IRAG1: variants seen among roughly 807,000 people sequenced by gnomAD.
IRAG1 encodes IP3R-associated cGMP kinase substrate.
In IRAG1, 62 loss-of-function variants were observed where a neutral mutation model predicts 106.2. The observed-to-expected ratio is 0.58, with a 90% CI of 0.48 to 0.72. IRAG1 has a LOEUF of 0.72. Ranked by LOEUF, IRAG1 falls within the 30% of genes least tolerant of loss-of-function variation. The pLI, the probability that IRAG1 is intolerant of heterozygous loss-of-function variation, is 0.00. For missense variants in IRAG1, 1,064 were observed against 1,140.7 expected (o/e 0.93, Z 0.97); for synonymous variants, 462 against 443.9 (o/e 1.04, Z -0.51).
At chr11:10,596,254 T>C (rs1180660944) in intron 15 of IRAG1, among the ~76,000 whole-genome samples, 3 of 152,234 alleles carry the variant, frequency 2.0e-5, no homozygotes, top group Non-Finnish European at 4.4e-5. Context: ...ACTTTCTCAA[T>C]TGTCTCCAAA....
At chr11:10,634,946 T>C (rs1857032565) in intron 2 of IRAG1, among the ~76,000 whole-genome samples, 1 of 152,226 alleles carries the variant, frequency 6.6e-6, no homozygotes, top group African/African-American at 2.4e-5. Context: ...TTCTCCTTTA[T>C]TCCCCAGCAG....
At position 10,659,052 on chromosome 11, in the gene IRAG1, C is replaced by A. The variant is rs1859188999; in HGVS notation, c.68-6870G>T. On this transcript the variant is annotated intron_variant, in intron 1 of 20. Coordinates refer to ENST00000423302, the MANE Select transcript of IRAG1 (RefSeq NM_130385.4). The surrounding 1 kb of genome is among the most constrained non-coding windows in gnomAD (Gnocchi z 4.1). ...GCCCCAGATCTGTGCTGTGCTTAGT[C>A]CCAGGTCTGGGCTGTGCTCAGTCCC... Among the ~76,000 whole-genome samples the A allele has an allele frequency of 6.6e-6, 1 of 152,168 alleles. No homozygotes were observed. The highest frequency in any genetic ancestry group is 6.5e-5 in the Admixed American group (1 of 15,278).
chr11:10,583,222 T>G (rs1277049538), intron 18 of IRAG1, among the ~76,000 whole-genome samples: 1 of 152,152 alleles, frequency 6.6e-6, no homozygotes, highest in African/African-American at 2.4e-5. Flanking sequence ...GCCACGGGGA[T>G]AGACAAGATT....
intron 1 of IRAG1, among the ~76,000 whole-genome samples, chr11:10,692,635 A>G (rs1399430397): frequency 1.3e-5 from 2 of 152,104 alleles, no homozygotes; most frequent in East Asian, 3.9e-4. Flanking sequence ...GACCAGATTT[A>G]CTTCCCTGTG....
intron 2 of IRAG1, among the ~76,000 whole-genome samples, chr11:10,642,339 G>T (rs118043978): frequency 1.3e-5 from 2 of 152,184 alleles, no homozygotes; most frequent in Non-Finnish European, 2.9e-5. Flanking sequence ...TTTCCTAACC[G>T]CCTGGGCACA....
intron 15 of IRAG1, among the ~76,000 whole-genome samples, chr11:10,598,216 C>T (rs1280237982): frequency 6.6e-6 from 1 of 152,352 alleles, no homozygotes; most frequent in African/African-American, 2.4e-5. Context: ...CCCAGATAAC[C>T]AAGGCTGACA....
intron 2 of IRAG1, among the ~76,000 whole-genome samples, chr11:10,640,856 T>C (rs928871192): frequency 1.3e-5 from 2 of 152,230 alleles, no homozygotes; most frequent in African/African-American, 4.8e-5. Context: ...TTACCTTGCC[T>C]CTCTGTGCCT....
chr11:10,646,293 G>T (rs1857937071), intron 2 of IRAG1, among the ~76,000 whole-genome samples: 1 of 152,208 alleles, frequency 6.6e-6, no homozygotes, highest in Admixed American at 6.5e-5. Context: ...CACAGTATGT[G>T]TTAGCTTTAT....
intron 4 of IRAG1, 181 bp from the exon 5 acceptor site, chr11:10,629,892 G>T: frequency 3.3e-6 from 2 of 614,468 alleles, no homozygotes; most frequent in Non-Finnish European, 5.6e-6. Context: ...TGCAGGCCTG[G>T]CCCCTATGGC....
chr11:10,599,415 C>T (rs965744493), intron 15 of IRAG1, among the ~76,000 whole-genome samples: 5 of 152,180 alleles, frequency 3.3e-5, no homozygotes, highest in Non-Finnish European at 5.9e-5. Flanking sequence ...CAGGAGTCCA[C>T]GCATTAGGAT....
intron 1 of IRAG1, 28 bp from the exon 2 acceptor site, chr11:10,652,210 A>G: frequency 1.2e-6 from 2 of 1,612,362 alleles, no homozygotes; most frequent in Non-Finnish European, 1.7e-6. Context: ...GGACAAGTCA[A>G]ATCCATTCCC....
intron 1 of IRAG1, among the ~76,000 whole-genome samples, chr11:10,685,310 T>G (rs1366455387): frequency 1.3e-5 from 2 of 150,794 alleles, no homozygotes; most frequent in Non-Finnish European, 2.9e-5. Context: ...TATCTGGGCA[T>G]GGTGGCGCAT....
intron 10 of IRAG1, among the ~76,000 whole-genome samples, chr11:10,619,686 C>T (rs1855688568): frequency 6.6e-6 from 1 of 152,164 alleles, no homozygotes; most frequent in South Asian, 2.1e-4. Flanking sequence ...GTATCACATG[C>T]AAACATTACA....
In IRAG1 at chr11:10,583,715, G is replaced by A. The variant is rs142444597; in HGVS notation, c.2241-1729C>T. ...TAGAGGATGAGAGAAAGGGATGCCC[G>A]AAGGAACTCAGTCTTTGCAAAAGGA... is the stretch of plus-strand genomic sequence containing the variant. On this transcript the variant is annotated intron_variant, in intron 18 of 20. Coordinates refer to ENST00000423302, the MANE Select transcript of IRAG1 (RefSeq NM_130385.4). 2.4e-4 allele frequency among the ~76,000 whole-genome samples: 36 copies of A among 152,252 alleles called. No individual in the cohort carries two copies. In the East Asian group the frequency reaches 6.6e-3, roughly 28 times the overall value.
At chr11:10,693,458 G>A in intron 1 of IRAG1, 78 bp downstream of exon 1, 1 of 1,529,704 alleles carries the variant, frequency 6.5e-7, no homozygotes, top group Non-Finnish European at 8.7e-7. Flanking sequence ...CCAGCACCCT[G>A]TACCTTTAAG....
chr11:10,599,193 A>G (rs946611613), intron 15 of IRAG1, among the ~76,000 whole-genome samples: 2 of 152,152 alleles, frequency 1.3e-5, no homozygotes, highest in African/African-American at 4.8e-5. Context: ...CTGTCATAGC[A>G]CTGGCTACAC....
At chr11:10,587,370 G>A (rs1436483312) in intron 18 of IRAG1, among the ~76,000 whole-genome samples, 2 of 152,076 alleles carry the variant, frequency 1.3e-5, no homozygotes, top group Non-Finnish European at 2.9e-5. Flanking sequence ...CCACTGCCAT[G>A]GTTCCCTCTG....
chr11:10,601,161 A>T (rs1342288361), intron 14 of IRAG1, 102 bp from the exon 15 acceptor site: 3 of 1,484,118 alleles, frequency 2.0e-6, no homozygotes, highest in African/African-American at 1.4e-5. Flanking sequence ...AATCAAAAGG[A>T]TACAGGGACA....
intron 1 of IRAG1, among the ~76,000 whole-genome samples, chr11:10,681,131 C>T (rs1241184438): frequency 3.3e-5 from 5 of 152,078 alleles, no homozygotes; most frequent in Admixed American, 1.3e-4. Context: ...CTATGAGTTT[C>T]ACCACTTCCA....
Sources: gnomAD v4.1 joint callset for allele counts (sites outside exome capture counted in the v4.1 genomes callset) on GRCh38, gnomAD v4.1.1 for gene constraint, Gnocchi (gnomAD v3.1) non-coding constraint, MANE v1.5 for transcripts, NCBI Gene and HGNC (gene_info 2026-07-23, HGNC 2026-07-21) for gene names.